RALGAPA1: variants seen among roughly 807,000 people sequenced by gnomAD.
The protein encoded by RALGAPA1 is Ral GTPase activating protein catalytic subunit alpha 1.
In RALGAPA1, 52 loss-of-function variants were observed where a neutral mutation model predicts 269.6. That is an observed-to-expected ratio of 0.19 (90% confidence interval 0.15 to 0.24). The LOEUF (loss-of-function observed/expected upper bound fraction) is 0.24. Among genes scored for constraint, RALGAPA1 ranks in the 10% least tolerant of loss-of-function variants. The pLI, the probability that RALGAPA1 is intolerant of heterozygous loss-of-function variation, is 1.00. For missense variants in RALGAPA1, 1,917 were observed against 3,013.9 expected (o/e 0.64, Z 8.52); for synonymous variants, 817 against 1,008.3 (o/e 0.81, Z 3.60).
intron 1 of RALGAPA1, among the ~76,000 whole-genome samples, chr14:35,807,470 G>A (rs758004769): frequency 6.6e-6 from 1 of 152,070 alleles, no homozygotes; most frequent in Non-Finnish European, 1.5e-5. Flanking sequence ...AAGATTAGCT[G>A]TCATAAATGT....
Position 35,570,511 on chromosome 14 carries a change from TA to T in RALGAPA1, c.7496+105del, listed in dbSNP as rs1049151940. 36 of 937,792 alleles carry T rather than the reference TA, an allele frequency of 3.8e-5. No homozygotes were observed. The African/African-American group carries it at 4.7e-4, about 12-fold the overall frequency. The allele number at this position is 937,792 out of a possible 1,614,324, so 58.1% of individuals were successfully genotyped here. A position where few individuals can be genotyped will look rare whatever the true frequency, so the allele number is the denominator to read the frequency against. On this transcript the variant is annotated intron_variant, in intron 39 of 41. Coordinates refer to ENST00000680220, the MANE Select transcript of RALGAPA1 (RefSeq NM_001346249.2). ...CTCCATTTCTACAAAAAATAATAAT[TA>T]AAAAAACCCTAGAAAATAAAAGGCT...
At chr14:35,721,565 T>C (rs2069413057) in intron 16 of RALGAPA1, 123 bp downstream of exon 16, 1 of 810,068 alleles carries the variant, frequency 1.2e-6, no homozygotes, top group South Asian at 2.2e-5. Context: ...GGCTTTGCTA[T>C]AGCAGTTTTT....
intron 36 of RALGAPA1, among the ~76,000 whole-genome samples, chr14:35,600,232 CTTTTTT>C (rs71124708): frequency 1.0e-4 from 9 of 86,952 alleles, no homozygotes; most frequent in African/African-American, 3.9e-4. Context: ...TTCTTTTTTT[CTTTTTT>C]TTTTTTTTTT....
intron 4 of RALGAPA1, chr14:35,766,126 G>T: frequency 1.0e-6 from 1 of 982,406 alleles, no homozygotes. Flanking sequence ...GGGCTGACCA[G>T]AAATCCTGCT....
intron 17 of RALGAPA1, among the ~76,000 whole-genome samples, chr14:35,696,966 A>G (rs1454370668): frequency 1.3e-5 from 2 of 152,192 alleles, no homozygotes; most frequent in Non-Finnish European, 2.9e-5. Context: ...AAACATCAGC[A>G]ATTAAAAAGT....
At chr14:35,731,285 G>A (rs2070454149) in intron 12 of RALGAPA1, among the ~76,000 whole-genome samples, 1 of 152,102 alleles carries the variant, frequency 6.6e-6, no homozygotes, top group Non-Finnish European at 1.5e-5. Flanking sequence ...CAAATGAGAA[G>A]GAACCAGAAA....
chr14:35,713,809 G>T (rs920746636), intron 16 of RALGAPA1, among the ~76,000 whole-genome samples: 1 of 152,008 alleles, frequency 6.6e-6, no homozygotes, highest in African/African-American at 2.4e-5. Flanking sequence ...AAATTGATGT[G>T]AGCGGGCCAG....
rs1328164028 is a variant in RALGAPA1 at position 35,801,258 on chromosome 14, C to CACACAA, written c.106+7471_106+7472insTTGTGT. Among the ~76,000 whole-genome samples, 808 of 131,452 alleles carry CACACAA rather than the reference C, an allele frequency of 6.1e-3. 19 individuals carry two copies. Among genetic ancestry groups the CACACAA allele is most frequent in the East Asian group, 0.033 (99 of 2,956 alleles). 86.2% of individuals were successfully genotyped at this position (131,452 alleles called of 152,430 possible). The stretch of plus-strand genomic sequence containing the variant: ...ATATATACACAGACACACACACACA[C>CACACAA]ACACACACACACACACACACACACA... On this transcript the variant is annotated intron_variant, in intron 1 of 41. Transcript: ENST00000680220.
chr14:35,569,617 C>T (rs1041506696), intron 39 of RALGAPA1, among the ~76,000 whole-genome samples: 1 of 152,136 alleles, frequency 6.6e-6, no homozygotes, highest in Non-Finnish European at 1.5e-5. Flanking sequence ...AAACATTCCC[C>T]ATCTTCTCAT....
At chr14:35,776,692 A>C (rs1488765885) in intron 1 of RALGAPA1, among the ~76,000 whole-genome samples, 2 of 152,194 alleles carry the variant, frequency 1.3e-5, no homozygotes, top group African/African-American at 4.8e-5. Context: ...AGAGTACATA[A>C]TATCTGAAAA....
At chr14:35,806,051 A>AT (rs2077354368) in intron 1 of RALGAPA1, among the ~76,000 whole-genome samples, 1 of 152,188 alleles carries the variant, frequency 6.6e-6, no homozygotes, top group Non-Finnish European at 1.5e-5. Flanking sequence ...GATATTTTAA[A>AT]TATTTGTTAT....
chr14:35,742,599 C>CT (rs1238553476), intron 10 of RALGAPA1, 34 bp from the exon 11 acceptor site: 18 of 1,482,074 alleles, frequency 1.2e-5, no homozygotes, highest in Non-Finnish European at 1.5e-5. Context: ...GATAATGATA[C>CT]TTTTTCCTTT....
intron 27 of RALGAPA1, among the ~76,000 whole-genome samples, chr14:35,660,926 G>A (rs1279964358): frequency 6.6e-6 from 1 of 152,174 alleles, no homozygotes; most frequent in African/African-American, 2.4e-5. Flanking sequence ...TGAAGTCTTG[G>A]AAGCAGAGAG....
At chr14:35,625,243 G>T in intron 35 of RALGAPA1, 118 bp downstream of exon 35, 2 of 548,144 alleles carry the variant, frequency 3.6e-6, no homozygotes, top group Non-Finnish European at 5.6e-6. Context: ...CTTTTGCTCA[G>T]AAAGTTATAA....
At chr14:35,691,091 T>TAA (rs199874661) in intron 17 of RALGAPA1, among the ~76,000 whole-genome samples, 26 of 149,002 alleles carry the variant, frequency 1.7e-4, no homozygotes, top group Admixed American at 1.1e-3. Context: ...ATAATAATAA[T>TAA]TATTATTATT....
At chr14:35,738,978 C>A (rs985533625) in intron 11 of RALGAPA1, among the ~76,000 whole-genome samples, 2 of 151,996 alleles carry the variant, frequency 1.3e-5, no homozygotes, top group African/African-American at 4.8e-5. Flanking sequence ...GATTATACTA[C>A]CTATAGCTTT....
chr14:35,603,417 CA>C (rs2059410464), intron 36 of RALGAPA1, among the ~76,000 whole-genome samples: 1 of 151,966 alleles, frequency 6.6e-6, no homozygotes, highest in African/African-American at 2.4e-5. Context: ...GACAAATAAC[CA>C]AAGAGGCAAA....
intron 39 of RALGAPA1, among the ~76,000 whole-genome samples, chr14:35,562,243 T>C (rs1304097124): frequency 2.6e-5 from 4 of 152,184 alleles, no homozygotes; most frequent in Non-Finnish European, 5.9e-5. Context: ...CATCAGCGTC[T>C]AGACTCCCAT....
chr14:35,726,551 G>A (rs1011454478), intron 13 of RALGAPA1, among the ~76,000 whole-genome samples: 19 of 152,086 alleles, frequency 1.2e-4, no homozygotes, highest in African/African-American at 4.1e-4. Context: ...TTGGGAGGTG[G>A]TCAAGGCAGG....
Sources: gnomAD v4.1 joint callset for allele counts (sites outside exome capture counted in the v4.1 genomes callset) on GRCh38, gnomAD v4.1.1 for gene constraint, MANE v1.5 for transcripts, NCBI Gene and HGNC (gene_info 2026-07-23, HGNC 2026-07-21) for gene names.